The following HEATR5B variants were observed in gnomAD, a reference collection of about 807,000 sequenced individuals.
HEATR5B encodes HEAT repeat-containing protein 5B.
In HEATR5B, 156 loss-of-function variants were observed where a neutral mutation model predicts 224.1. The observed-to-expected ratio is 0.70, with a 90% CI of 0.61 to 0.80. The LOEUF is 0.80. Ranked by LOEUF, HEATR5B falls within the 30% of genes least tolerant of loss-of-function variation. The pLI, the probability that HEATR5B is intolerant of heterozygous loss-of-function variation, is 0.00. For synonymous variants in HEATR5B, 1,027 were observed against 893.0 expected (o/e 1.15, Z -2.68); for missense variants, 2,323 against 2,535.5 (o/e 0.92, Z 1.80).
intron 18 of HEATR5B, among the ~76,000 whole-genome samples, chr2:37,044,511 T>C (rs746680856): frequency 7.9e-5 from 12 of 152,216 alleles, no homozygotes; most frequent in Non-Finnish European, 1.3e-4. Flanking sequence ...TATTCAACCA[T>C]TGATAATTGT....
intron 5 of HEATR5B, among the ~76,000 whole-genome samples, chr2:37,074,768 T>C (rs935393050): frequency 5.9e-5 from 9 of 152,226 alleles, no homozygotes; most frequent in Non-Finnish European, 1.0e-4. Context: ...GAAGAAGATA[T>C]GGATGGCAAA....
At chr2:37,076,589 C>G (rs1672245299) in intron 4 of HEATR5B, among the ~76,000 whole-genome samples, 1 of 151,582 alleles carries the variant, frequency 6.6e-6, no homozygotes, top group South Asian at 2.1e-4. Flanking sequence ...TTTAAGCCAC[C>G]CAGTCTAAGG....
In HEATR5B at chr2:37,037,920, G is replaced by A; in HGVS notation, c.3151C>T (p.Leu1051Phe). Residue 1051 changes from leucine (L) to phenylalanine (F), a missense_variant, in exon 21 of 36, where the codon CTT becomes TTT. Leu to Phe is a conservative substitution (Grantham distance 22). Around this residue, in one of 12 missense-constraint regions of HEATR5B, gnomAD observed 88 missense variants for 86.8 expected, o/e 1.01. Coordinates refer to ENST00000233099, the MANE Select transcript of HEATR5B (RefSeq NM_019024.3). ...SLVQAAAISCLQQLHMFAPRH... is the reference protein window; with the variant it reads ...SLVQAAAISCFQQLHMFAPRH... ...GGTGCAAACATGTGAAGCTGCTGAA[G>A]GCAAGATATGGCAGCTGCCTGAACA... The A allele has an allele frequency of 6.2e-7, 1 of 1,600,728 alleles. No homozygotes were observed. The highest frequency in any genetic ancestry group is 8.5e-7 in the Non-Finnish European group (1 of 1,171,626).
At chr2:37,056,988 C>T (rs1265320023) in intron 15 of HEATR5B, among the ~76,000 whole-genome samples, 1 of 152,144 alleles carries the variant, frequency 6.6e-6, no homozygotes, top group East Asian at 1.9e-4. Context: ...AACCTACTAA[C>T]TCATTCCTCT....
chr2:37,071,360 T>C (rs1671895739), intron 6 of HEATR5B, among the ~76,000 whole-genome samples: 1 of 152,218 alleles, frequency 6.6e-6, no homozygotes, highest in Admixed American at 6.5e-5. Context: ...ACCCCTGAGA[T>C]ATCTCTACGG....
intron 18 of HEATR5B, among the ~76,000 whole-genome samples, chr2:37,041,977 T>C (rs1419013632): frequency 3.9e-5 from 6 of 151,942 alleles, no homozygotes; most frequent in Admixed American, 3.9e-4. Context: ...ACATAAAATA[T>C]TTTACACTTA....
chr2:36,998,325 G>A (rs979240675), intron 33 of HEATR5B, among the ~76,000 whole-genome samples: 4 of 152,162 alleles, frequency 2.6e-5, no homozygotes, highest in Non-Finnish European at 5.9e-5. Flanking sequence ...CTAAGAAAAT[G>A]AGTAATGCAA....
chr2:37,013,405 C>T (rs1014461443), intron 27 of HEATR5B, among the ~76,000 whole-genome samples: 7 of 152,146 alleles, frequency 4.6e-5, no homozygotes, highest in African/African-American at 1.7e-4. Flanking sequence ...ACAAAACAAG[C>T]TGGGCACTGT....
intron 18 of HEATR5B, among the ~76,000 whole-genome samples, chr2:37,046,821 A>G (rs1262992127): frequency 6.6e-6 from 1 of 151,358 alleles, no homozygotes; most frequent in African/African-American, 2.4e-5. Flanking sequence ...AGGCCGAGGC[A>G]GGTTGATCAC....
intron 17 of HEATR5B, among the ~76,000 whole-genome samples, chr2:37,050,348 G>A (rs903980621): frequency 2.6e-5 from 4 of 152,118 alleles, no homozygotes; most frequent in Non-Finnish European, 5.9e-5. Flanking sequence ...TACGATTTCA[G>A]AACGTGATCT....
intron 18 of HEATR5B, among the ~76,000 whole-genome samples, chr2:37,045,711 C>A (rs1018119900): frequency 6.6e-6 from 1 of 152,204 alleles, no homozygotes; most frequent in Non-Finnish European, 1.5e-5. Context: ...CCACCCTACA[C>A]ATTCTAGCTA....
rs61036576 is a variant in HEATR5B, at chr2:37,082,052, CTTTTTT to C, written c.126+1231_126+1236del. Among the ~76,000 whole-genome samples the C allele has an allele frequency of 1.8e-3, 43 of 23,956 alleles. No individual in the cohort carries two copies. In the East Asian group the frequency reaches 0.023, roughly 13 times the overall value. 15.7% of individuals were successfully genotyped at this position (23,956 alleles called of 152,430 possible). On this transcript the variant is annotated intron_variant, in intron 2 of 35. Transcript: ENST00000233099. ...ATCAGACATTTGAGGGAAGTATCTA[CTTTTTT>C]TTTTTTTTTTTTTTTTTTTTTTTTT...
intron 4 of HEATR5B, 191 bp from the exon 5 acceptor site, chr2:37,075,825 T>C (rs905182488): frequency 2.8e-5 from 11 of 399,422 alleles, no homozygotes; most frequent in Middle Eastern, 6.5e-4. Context: ...TTAAATAATA[T>C]CTTTCTAAAA....
At chr2:37,011,296 A>G (rs1166191089) in intron 27 of HEATR5B, among the ~76,000 whole-genome samples, 44 of 152,356 alleles carry the variant, frequency 2.9e-4, no homozygotes, top group Non-Finnish European at 2.9e-5. Flanking sequence ...CAAGAGCACA[A>G]AAACAGGAAA....
intron 18 of HEATR5B, among the ~76,000 whole-genome samples, chr2:37,044,103 C>T (rs1252815302): frequency 1.3e-5 from 2 of 151,958 alleles, no homozygotes; most frequent in Admixed American, 1.3e-4. Flanking sequence ...TTTTTTTGAA[C>T]TAAGTCTTCA....
chr2:37,052,602 A>T, intron 17 of HEATR5B, among the ~76,000 whole-genome samples: 1 of 152,236 alleles, frequency 6.6e-6, no homozygotes, highest in Non-Finnish European at 1.5e-5. Context: ...TTCTTCACTT[A>T]AAGGAAGCAC....
chr2:37,055,195 A>T (rs1177315043), intron 16 of HEATR5B: 1 of 250,388 alleles, frequency 4.0e-6, no homozygotes, highest in Admixed American at 4.6e-5. Context: ...TTGTATCATG[A>T]GCATCTTCTA....
chr2:37,072,881 C>G (rs757292111), intron 5 of HEATR5B, among the ~76,000 whole-genome samples: 12 of 152,086 alleles, frequency 7.9e-5, no homozygotes, highest in Non-Finnish European at 1.8e-4. Context: ...AAATTGACAA[C>G]TTAGAGGAAA....
chr2:37,024,962 G>C (rs553459041), intron 24 of HEATR5B, among the ~76,000 whole-genome samples: 1 of 152,318 alleles, frequency 6.6e-6, no homozygotes, highest in South Asian at 2.1e-4. Context: ...GAAGGGGACT[G>C]AGCAAAAACT....
Sources: allele counts gnomAD v4.1 joint callset (sites outside exome capture counted in the v4.1 genomes callset), GRCh38; gene constraint gnomAD v4.1.1; regional missense constraint gnomAD v4.1.1; transcripts MANE v1.5; gene names NCBI Gene and HGNC (gene_info 2026-07-23, HGNC 2026-07-21).